The following PIR variants were observed in gnomAD, a reference collection of about 807,000 sequenced individuals.
The protein encoded by PIR is pirin, also known as pirin (iron-binding nuclear protein).
In PIR, 22 loss-of-function variants were observed where a neutral mutation model predicts 24.2. That is an observed-to-expected ratio of 0.91 (90% CI 0.65 to 1.30). The LOEUF (loss-of-function observed/expected upper bound fraction) is 1.30. Ranked by LOEUF, PIR falls within the 50% of genes most tolerant of loss-of-function variation. The pLI, the probability that PIR is intolerant of heterozygous loss-of-function variation, is 0.00. For missense variants in PIR, 220 were observed against 220.3 expected (o/e 1.00, Z 0.01); for synonymous variants, 80 against 79.6 (o/e 1.00, Z -0.03).
At chrX:15,471,295 T>C (rs1602292321) in intron 3 of PIR, among the ~76,000 whole-genome samples, 1 of 111,578 alleles carries the variant, frequency 9.0e-6, no homozygotes, top group Non-Finnish European at 1.9e-5. Flanking sequence ...AATGTAGAAA[T>C]TGCCATATGA....
intron 5 of PIR, among the ~76,000 whole-genome samples, chrX:15,454,479 AAAAAAAAAC>A (rs1274150622): frequency 1.8e-5 from 2 of 109,498 alleles, no homozygotes; most frequent in East Asian, 5.7e-4. Context: ...CAGGTAAAAA[AAAAAAAAAC>A]AAAAAAACAA....
At chrX:15,476,709 T>A (rs948997993) in intron 3 of PIR, among the ~76,000 whole-genome samples, 6 of 111,793 alleles carry the variant, frequency 5.4e-5, no homozygotes, top group Non-Finnish European at 1.1e-4. Context: ...ATGAATGTTT[T>A]AAAATGAAAA....
intron 6 of PIR, among the ~76,000 whole-genome samples, chrX:15,409,094 CCTT>C (rs1924641108): frequency 2.2e-5 from 2 of 90,752 alleles, no homozygotes; most frequent in African/African-American, 8.5e-5. Context: ...CGTTTTTCTC[CCTT>C]TTTTTTTTTT....
chrX:15,396,213 C>T (rs1924129776), intron 8 of PIR, among the ~76,000 whole-genome samples: 1 of 111,746 alleles, frequency 8.9e-6, no homozygotes, highest in African/African-American at 3.3e-5. Context: ...TTTCATATGG[C>T]TCAGTCTAAT....
chrX:15,435,079 CG>C (rs1925707224), intron 5 of PIR, among the ~76,000 whole-genome samples: 2 of 110,145 alleles, frequency 1.8e-5, no homozygotes, highest in Admixed American at 1.9e-4. Flanking sequence ...AGCGTAGTGG[CG>C]GGCGCCTGTA....
At chrX:15,483,853 C>A (rs939674651) in intron 2 of PIR, among the ~76,000 whole-genome samples, 15 of 112,635 alleles carry the variant, frequency 1.3e-4, no homozygotes, top group Non-Finnish European at 2.6e-4. Context: ...CTATAAATAT[C>A]ACAGCCATCA....
In PIR at chrX:15,480,410, G is replaced by A. The variant is rs767351210; in HGVS notation, c.97-589C>T. Among the ~76,000 whole-genome samples, 136 of 112,057 alleles carry A rather than the reference G, an allele frequency of 1.2e-3. 1 individual carries two copies. The highest frequency in any genetic ancestry group is 3.9e-3 in the African/African-American group (120 of 30,901). The stretch of plus-strand genomic sequence containing the variant: ...AGAGAGTTGTCATTTTATGAGAAGC[G>A]CAAAGAGTGGACAAACATTTCATAA... On this transcript the variant is annotated intron_variant, in intron 2 of 9. Transcript: ENST00000380420.
At chrX:15,400,899 C>T (rs931207191) in intron 7 of PIR, among the ~76,000 whole-genome samples, 4 of 107,872 alleles carry the variant, frequency 3.7e-5, no homozygotes, top group Admixed American at 1.0e-4. Flanking sequence ...CCACCAAGCC[C>T]GGCTAATTTT....
At chrX:15,432,671 G>T (rs190113413) in intron 5 of PIR, among the ~76,000 whole-genome samples, 1 of 111,946 alleles carries the variant, frequency 8.9e-6, no homozygotes, top group East Asian at 2.8e-4. Flanking sequence ...TGGCATTTAG[G>T]ATTTCTTTAA....
At chrX:15,464,625 A>G (rs997208944) in intron 3 of PIR, among the ~76,000 whole-genome samples, 5 of 112,051 alleles carry the variant, frequency 4.5e-5, no homozygotes, top group African/African-American at 1.6e-4. Flanking sequence ...TTTTTTATAG[A>G]GAGCGCTTAT....
chrX:15,453,002 T>G (rs1192789957), intron 5 of PIR, among the ~76,000 whole-genome samples: 1 of 112,262 alleles, frequency 8.9e-6, no homozygotes, highest in African/African-American at 3.2e-5. Flanking sequence ...AAAATTGTCT[T>G]CCTGATGCGA....
chrX:15,452,570 G>A (rs1421531831), intron 5 of PIR, among the ~76,000 whole-genome samples: 3 of 111,981 alleles, frequency 2.7e-5, no homozygotes, highest in African/African-American at 9.7e-5. Context: ...CGGGACTGAG[G>A]TCCAGAAAAG....
At chrX:15,455,645 T>C (rs1921050843) in intron 5 of PIR, among the ~76,000 whole-genome samples, 1 of 112,737 alleles carries the variant, frequency 8.9e-6, no homozygotes, top group Admixed American at 9.3e-5. Context: ...GCTTGCTTTC[T>C]TGTAATTTTC....
chrX:15,451,450 TTAAA>T (rs966375565), intron 5 of PIR, among the ~76,000 whole-genome samples: 3 of 111,709 alleles, frequency 2.7e-5, no homozygotes, highest in African/African-American at 9.8e-5. Flanking sequence ...TCCTAGTCCC[TTAAA>T]TAGTTTATTT....
chrX:15,476,190 T>C (rs1027569910), intron 3 of PIR, among the ~76,000 whole-genome samples: 1 of 112,266 alleles, frequency 8.9e-6, no homozygotes, highest in Non-Finnish European at 1.9e-5. Context: ...CCTGAGATAA[T>C]GAGAATTTTA....
rs545376536 is a variant in PIR at position 15,486,729 on chromosome X, G to A, written c.96+4433C>T. Among the ~76,000 whole-genome samples, 40 of 111,966 alleles carry A rather than the reference G, an allele frequency of 3.6e-4. No individual in the cohort carries two copies. The South Asian group carries it at 0.014, about 40-fold the overall frequency. ...AATGGTTGCCATTTCCCTAACAGCT[G>A]TCTTGGACTATAAGGCGATGCACTA... On this transcript the variant is annotated intron_variant, in intron 2 of 9. Transcript: ENST00000380420.
chrX:15,402,580 C>A (rs995044877), intron 7 of PIR, among the ~76,000 whole-genome samples: 5 of 111,574 alleles, frequency 4.5e-5, no homozygotes, highest in African/African-American at 9.8e-5. Flanking sequence ...TTATTATTCA[C>A]TATAGTCACC....
intron 8 of PIR, among the ~76,000 whole-genome samples, chrX:15,395,240 A>G (rs150786700): frequency 0.02 from 2,207 of 111,717 alleles, 60 homozygotes; most frequent in African/African-American, 0.067. Context: ...GGTCTACTGT[A>G]TAAATCCTTA....
intron 8 of PIR, among the ~76,000 whole-genome samples, chrX:15,392,942 G>A (rs1924004772): frequency 8.9e-6 from 1 of 112,272 alleles, no homozygotes; most frequent in South Asian, 3.7e-4. Flanking sequence ...AGTCTCAGTT[G>A]CTGTTATCTT....
Sources: gnomAD v4.1 joint callset for allele counts (sites outside exome capture counted in the v4.1 genomes callset) on GRCh38, gnomAD v4.1.1 for gene constraint, MANE v1.5 for transcripts, NCBI Gene and HGNC (gene_info 2026-07-23, HGNC 2026-07-21) for gene names.